The following TRERF1 variants were observed in gnomAD, a reference collection of about 807,000 sequenced individuals.
The protein encoded by TRERF1 is transcriptional regulating factor 1, also known as transcriptional-regulating factor 1.
A neutral mutation model predicts 122.9 loss-of-function variants in TRERF1; 27 were observed. The ratio of observed to expected loss-of-function variants is 0.22; its 90% confidence interval spans 0.16 to 0.30. The LOEUF (loss-of-function observed/expected upper bound fraction) is 0.30, where lower values mean the gene tolerates loss of function less well. Ranked by LOEUF, TRERF1 falls within the 10% of genes least tolerant of loss-of-function variation. The pLI is 1.00. For synonymous variants in TRERF1, 636 were observed against 641.7 expected (o/e 0.99, Z 0.13); for missense variants, 1,248 against 1,560.3 (o/e 0.80, Z 3.37).
Position 42,228,525 on chromosome 6 carries a change from C to T in TRERF1, c.3423G>A (p.Ala1141=), listed in dbSNP as rs772371518. The T allele has an allele frequency of 1.2e-5, 19 of 1,614,138 alleles. No individual in the cohort carries two copies. Among genetic ancestry groups the T allele is most frequent in the East Asian group, 8.9e-5 (4 of 44,882 alleles). Residue 1141 remains alanine, a synonymous_variant, in exon 18 of 18, where the codon GCG becomes GCA. Coordinates refer to ENST00000372922, the Ensembl canonical transcript of TRERF1. The surrounding 1 kb of genome is among the most constrained non-coding windows in gnomAD (Gnocchi z 4.2). ...GCTGGTCCAGGGGCAGCAGCCCCGGCGCCCCCACGGGCCCCGTAGTCCTCT... is the reference window on the plus strand; with the variant it reads ...GCTGGTCCAGGGGCAGCAGCCCCGGTGCCCCCACGGGCCCCGTAGTCCTCT...
intron 2 of TRERF1, among the ~76,000 whole-genome samples, chr6:42,403,386 T>G (rs1386129651): frequency 6.6e-6 from 1 of 151,836 alleles, no homozygotes; most frequent in Non-Finnish European, 1.5e-5. Context: ...AAAGAGAAAA[T>G]AGCGACACAC....
At chr6:42,408,182 C>T (rs1780461290) in intron 2 of TRERF1, among the ~76,000 whole-genome samples, 1 of 146,424 alleles carries the variant, frequency 6.8e-6, no homozygotes, top group Admixed American at 6.9e-5. Flanking sequence ...AACTGTTTCC[C>T]TCTTCCATTA....
intron 2 of TRERF1, among the ~76,000 whole-genome samples, chr6:42,413,393 G>C (rs1054553123): frequency 6.6e-6 from 1 of 151,386 alleles, no homozygotes; most frequent in African/African-American, 2.4e-5. Context: ...AAACGCATCT[G>C]GGGCCTCATT....
At chr6:42,440,033 C>T (rs951234841) in intron 2 of TRERF1, among the ~76,000 whole-genome samples, 1 of 152,142 alleles carries the variant, frequency 6.6e-6, no homozygotes, top group Admixed American at 6.5e-5. Flanking sequence ...GCTTGATGAA[C>T]AAGTTGTCAG....
chr6:42,416,422 G>A (rs962539721), intron 2 of TRERF1, among the ~76,000 whole-genome samples: 10 of 152,106 alleles, frequency 6.6e-5, no homozygotes, highest in African/African-American at 1.4e-4. Flanking sequence ...TATTAGAAAC[G>A]GATGTGTAAT....
At chr6:42,294,375 T>C (rs1784765074) in intron 4 of TRERF1, among the ~76,000 whole-genome samples, 1 of 151,270 alleles carries the variant, frequency 6.6e-6, no homozygotes, top group African/African-American at 2.4e-5. Context: ...AGAGACAGGG[T>C]TTCACCATAT....
At chr6:42,264,214 A>G (rs1208711388) in intron 7 of TRERF1, among the ~76,000 whole-genome samples, 4 of 152,196 alleles carry the variant, frequency 2.6e-5, no homozygotes, top group Non-Finnish European at 5.9e-5. Flanking sequence ...TACTATCTGG[A>G]TATCCTACCT....
chr6:42,228,336 CA>C lies in TRERF1; in HGVS notation c.*8del. ...GGGTTTTCACTGTCTCTAAGTGACA[CA>C]CAGGGCTTTATAGTTCTGCGTCACC... On this transcript the variant is annotated 3_prime_UTR_variant, in exon 18 of 18. Transcript: ENST00000372922. This position sits in a 1 kb window ranked among gnomAD's most constrained non-coding sequence, Gnocchi z 4.2. 6.3e-7 allele frequency: 1 copy of C among 1,599,380 alleles called. No homozygotes were observed. Among genetic ancestry groups the C allele is most frequent in the East Asian group, 2.2e-5 (1 of 44,594 alleles).
At position 42,285,264 on chromosome 6, in the gene TRERF1, C is replaced by T. The variant is rs571796539; in HGVS notation, c.-259+15374G>A. 1.1e-4 allele frequency among the ~76,000 whole-genome samples: 17 copies of T among 152,228 alleles called. No individual in the cohort carries two copies. In the East Asian group the frequency reaches 3.3e-3, roughly 29 times the overall value. Reference sequence around the variant, plus strand: ...AAGCAATTCTGAATGGGAGTTCACTCATGATTTGGCTCTCTGTTTGTCTGT... The same window carrying T: ...AAGCAATTCTGAATGGGAGTTCACTTATGATTTGGCTCTCTGTTTGTCTGT... On this transcript the variant is annotated intron_variant, in intron 4 of 17. Coordinates refer to ENST00000372922, the Ensembl canonical transcript of TRERF1.
chr6:42,353,967 T>A (rs938659873), intron 3 of TRERF1, among the ~76,000 whole-genome samples: 2 of 152,280 alleles, frequency 1.3e-5, no homozygotes, highest in Non-Finnish European at 2.9e-5. Context: ...TGTATTACTT[T>A]AATTTTTTTA....
intron 2 of TRERF1, among the ~76,000 whole-genome samples, chr6:42,425,787 C>T (rs1229279116): frequency 6.6e-6 from 1 of 151,876 alleles, no homozygotes; most frequent in East Asian, 1.9e-4. Flanking sequence ...TCGTGATCCG[C>T]CCACCTCGGC....
At chr6:42,328,539 T>C (rs1448215288) in intron 3 of TRERF1, among the ~76,000 whole-genome samples, 1 of 152,092 alleles carries the variant, frequency 6.6e-6, no homozygotes, top group Admixed American at 6.6e-5. Flanking sequence ...GTTGTTCCTC[T>C]CTTTGTGTCC....
intron 17 of TRERF1, among the ~76,000 whole-genome samples, chr6:42,230,426 T>A (rs1336005468): frequency 6.6e-6 from 1 of 152,118 alleles, no homozygotes; most frequent in Admixed American, 6.5e-5. Context: ...TGATTTTTTT[T>A]AAGTTAAATC....
chr6:42,268,722 G>A lies in TRERF1; in HGVS notation c.869C>T (p.Thr290Met), dbSNP rs751442173. 3.9e-5 allele frequency: 63 copies of A among 1,614,026 alleles called. 1 individual carries two copies. The South Asian group carries it at 6.3e-4, about 16-fold the overall frequency. Residue 290 changes from threonine (T) to methionine (M), a missense_variant, in exon 5 of 18, where the codon ACG becomes ATG. Around this residue, in one of 5 missense-constraint regions of TRERF1, gnomAD observed 946 missense variants for 1,073.0 expected, o/e 0.88. Coordinates refer to ENST00000372922, the Ensembl canonical transcript of TRERF1. This position sits in a 1 kb window ranked among gnomAD's most constrained non-coding sequence, Gnocchi z 4.4. Reference sequence around the variant, plus strand: ...TGATGGGCGAATTTGTTGCGGCTGCGTCTGTATTTCTTGCATGGAGATACG... The same window carrying A: ...TGATGGGCGAATTTGTTGCGGCTGCATCTGTATTTCTTGCATGGAGATACG...
intron 2 of TRERF1, among the ~76,000 whole-genome samples, chr6:42,431,059 C>CAAAAA (rs535412294): frequency 1.5e-5 from 1 of 68,672 alleles, no homozygotes; most frequent in Admixed American, 1.7e-4. Flanking sequence ...GACTCAGTCT[C>CAAAAA]AAAAAAAAAA....
At chr6:42,267,628 T>G (rs140840073) in intron 5 of TRERF1, among the ~76,000 whole-genome samples, 2,437 of 152,138 alleles carry the variant, frequency 0.016, 69 homozygotes, top group African/African-American at 0.054. Context: ...TGAGACTCCA[T>G]CTCAAAAAAA....
intron 2 of TRERF1, among the ~76,000 whole-genome samples, chr6:42,367,656 T>C (rs1050824869): frequency 2.0e-5 from 3 of 152,168 alleles, no homozygotes; most frequent in African/African-American, 7.2e-5. Context: ...TGGGCCAAAA[T>C]GTGTGGAGCT....
In TRERF1 at chr6:42,385,189, C is replaced by A. The variant is rs909129306; in HGVS notation, c.-453-22110G>T. Among the ~76,000 whole-genome samples, 14 of 152,090 alleles carry A rather than the reference C, an allele frequency of 9.2e-5. 1 individual carries two copies. Among genetic ancestry groups the A allele is most frequent in the Non-Finnish European group, 1.5e-4 (10 of 68,010 alleles). ...GCGGGGTTTTGCCATGTTGTCCAGG[C>A]TGGTCTCAAACTCCTGACCTCAAGT... is the stretch of plus-strand genomic sequence containing the variant. On this transcript the variant is annotated intron_variant, in intron 2 of 17. Coordinates refer to ENST00000372922, the Ensembl canonical transcript of TRERF1.
intron 2 of TRERF1, among the ~76,000 whole-genome samples, chr6:42,401,773 G>T (rs1294904623): frequency 6.6e-6 from 1 of 152,138 alleles, no homozygotes; most frequent in Non-Finnish European, 1.5e-5. Context: ...TGTCTTTTCA[G>T]TTCTTCACAA....
Sources: gnomAD v4.1 joint callset for allele counts (sites outside exome capture counted in the v4.1 genomes callset) on GRCh38, gnomAD v4.1.1 for gene constraint, gnomAD v4.1.1 regional missense constraint, Gnocchi (gnomAD v3.1) non-coding constraint, MANE v1.5 for transcripts, NCBI Gene and HGNC (gene_info 2026-07-23, HGNC 2026-07-21) for gene names.